Variants in SPG21 observed in about 807,000 individuals in gnomAD.
SPG21 encodes SPG21 abhydrolase domain containing, maspardin.
A neutral mutation model predicts 38.9 loss-of-function variants in SPG21; 26 were observed. The ratio of observed to expected loss-of-function variants is 0.67; its 90% confidence interval spans 0.49 to 0.93. The LOEUF is 0.93. SPG21 is among the 40% of genes least tolerant of loss of function. The pLI, the probability that SPG21 is intolerant of heterozygous loss-of-function variation, is 0.00. For synonymous variants in SPG21, 136 were observed against 128.9 expected (o/e 1.05, Z -0.37); for missense variants, 333 against 376.5 (o/e 0.88, Z 0.96).
At chr15:64,979,272 C>T (rs1440454663) in intron 3 of SPG21, among the ~76,000 whole-genome samples, 2 of 152,160 alleles carry the variant, frequency 1.3e-5, no homozygotes, top group Non-Finnish European at 2.9e-5. Flanking sequence ...ACAGCACTCC[C>T]GAGTGGGACG....
chr15:64,973,462 T>G (rs2085711897), intron 5 of SPG21, among the ~76,000 whole-genome samples: 1 of 152,118 alleles, frequency 6.6e-6, no homozygotes, highest in African/African-American at 2.4e-5. Context: ...TGGTTTGTTT[T>G]TTTTTTGAGA....
At position 64,965,596 on chromosome 15, in the gene SPG21, G is replaced by T. The variant is rs1255008006; in HGVS notation, c.670-136C>A. ...GTTACCCTAAGTATTCCTTTCATAT[G>T]AAGACAATCCTGAACCCCCAGCAGC... On this transcript the variant is annotated intron_variant, in intron 7 of 8. Transcript: ENST00000204566. The T allele has an allele frequency of 3.0e-6, 4 of 1,354,268 alleles. No homozygotes were observed. In the African/African-American group the frequency reaches 5.8e-5, roughly 20 times the overall value. 83.9% of individuals were successfully genotyped at this position (1,354,268 alleles called of 1,614,324 possible).
At chr15:64,986,253 C>G (rs1447587460) in intron 1 of SPG21, among the ~76,000 whole-genome samples, 1 of 152,112 alleles carries the variant, frequency 6.6e-6, no homozygotes, top group Non-Finnish European at 1.5e-5. Context: ...GTAGTCCCAG[C>G]TACTCAGGAG....
rs145437088 is a variant in SPG21, at chr15:64,974,381, A to AG, written c.452+220dup. 0.047 allele frequency among the ~76,000 whole-genome samples: 7,188 copies of AG among 152,204 alleles called. 591 individuals carry two copies. The highest frequency in any genetic ancestry group is 0.16 in the African/African-American group (6,837 of 41,516). On this transcript the variant is annotated intron_variant, in intron 5 of 8. Transcript: ENST00000204566. The stretch of plus-strand genomic sequence containing the variant: ...TTCCAGCTACTTGGGAGGCTGAGGT[A>AG]GGAGGATCGCTTGAGCCTGGGAAAT...
At chr15:64,985,177 A>T (rs1476822832) in intron 1 of SPG21, among the ~76,000 whole-genome samples, 1 of 152,198 alleles carries the variant, frequency 6.6e-6, no homozygotes, top group African/African-American at 2.4e-5. Flanking sequence ...AACAAAATGA[A>T]ACATTTGCCC....
At chr15:64,968,347 A>AG in intron 7 of SPG21, among the ~76,000 whole-genome samples, 1 of 151,610 alleles carries the variant, frequency 6.6e-6, no homozygotes, top group Middle Eastern at 3.4e-3. Flanking sequence ...TTCCAAAAAA[A>AG]AAAAAAAAAA....
At chr15:64,983,924 C>T (rs1020417042) in intron 1 of SPG21, among the ~76,000 whole-genome samples, 1 of 152,012 alleles carries the variant, frequency 6.6e-6, no homozygotes, top group Non-Finnish European at 1.5e-5. Context: ...TCTGGGATTA[C>T]AGGTGCCCGC....
chr15:64,989,221 C>G (rs1305534273), intron 1 of SPG21: 1 of 151,912 alleles, frequency 6.6e-6, no homozygotes, highest in African/African-American at 2.4e-5. Flanking sequence ...ACTTTCAGGC[C>G]GAGGTCCTGT....
chr15:64,971,092 A>C (rs56248131), intron 5 of SPG21, among the ~76,000 whole-genome samples: 79,276 of 151,866 alleles, frequency 0.52, 21,697 homozygotes, highest in East Asian at 0.85. Flanking sequence ...ACAGGGTCTC[A>C]CTCTGTTGCC....
At position 64,970,142 on chromosome 15, in the gene SPG21, G is replaced by A. The variant is rs781676750; in HGVS notation, c.533C>T (p.Ala178Val). The A allele has an allele frequency of 6.2e-7, 1 of 1,613,990 alleles. No homozygotes were observed. Among genetic ancestry groups the A allele is most frequent in the Non-Finnish European group, 8.5e-7 (1 of 1,179,932 alleles). Residue 178 changes from alanine to valine, a missense_variant, in exon 6 of 9, where the codon GCT becomes GTT. Transcript: ENST00000204566. ...FSSGPVDPMM[A>V]DAIDFMVDRL... ...GTCTACCATGAAATCAATGGCATCA[G>A]CCATCATAGGGTCCACCGGGCCAGA...
chr15:64,981,288 C>A, intron 2 of SPG21: 1 of 360,020 alleles, frequency 2.8e-6, no homozygotes, highest in Non-Finnish European at 5.1e-6. Flanking sequence ...TCCCCCTCCT[C>A]CTTTTTTTTT....
At chr15:64,977,729 C>T (rs971741613) in intron 3 of SPG21, among the ~76,000 whole-genome samples, 4 of 151,968 alleles carry the variant, frequency 2.6e-5, no homozygotes, top group African/African-American at 4.8e-5. Context: ...CTTGACTATA[C>T]GTAGCCTATC....
rs1438047160 is a variant in SPG21 at position 64,989,855 on chromosome 15, G to A, written c.-215C>T. ...CTGAGGGGGCGGGGCGCGTGGCCGA[G>A]CGAGCTTGGGCCGCCGCGCTCCCCC... On this transcript the variant is annotated 5_prime_UTR_variant, in exon 1 of 9. Transcript: ENST00000204566. The A allele has an allele frequency of 7.0e-6, 1 of 141,900 alleles. No individual in the cohort carries two copies. Among genetic ancestry groups the A allele is most frequent in the Non-Finnish European group, 1.5e-5 (1 of 67,930 alleles). 8.8% of individuals were successfully genotyped at this position (141,900 alleles called of 1,614,324 possible).
intron 1 of SPG21, among the ~76,000 whole-genome samples, chr15:64,986,710 CAA>C (rs751407182): frequency 1.7e-4 from 20 of 119,314 alleles, no homozygotes; most frequent in African/African-American, 5.7e-4. Context: ...CAAAACAAAA[CAA>C]AAAACAAAAA....
At chr15:64,976,175 A>G (rs1274457819) in intron 4 of SPG21, among the ~76,000 whole-genome samples, 1 of 152,248 alleles carries the variant, frequency 6.6e-6, no homozygotes, top group Non-Finnish European at 1.5e-5. Flanking sequence ...CTGTAATCCC[A>G]GCACTTAGGG....
intron 1 of SPG21, among the ~76,000 whole-genome samples, chr15:64,985,999 T>C (rs987633847): frequency 6.6e-6 from 1 of 152,244 alleles, no homozygotes; most frequent in African/African-American, 2.4e-5. Context: ...GCCAGTCTTA[T>C]ACTGAAAATT....
In SPG21 at chr15:64,983,537, G is replaced by T; in HGVS notation, c.33C>A (p.Asn11Lys). MGEIKVSPDY[N>K]WFRGTVPLKK... ...TAAGGGGAACTGTACCTCTAAACCA[G>T]TTATAATCAGGAGAGACTTTAATCT... Residue 11 changes from asparagine (N) to lysine (K), a missense_variant, in exon 2 of 9, where the codon AAC (asparagine) becomes AAA (lysine). Coordinates refer to ENST00000204566, the MANE Select transcript of SPG21 (RefSeq NM_016630.7). 1 of 1,579,436 alleles carries T rather than the reference G, an allele frequency of 6.3e-7. No homozygotes were observed. Among genetic ancestry groups the T allele is most frequent in the Non-Finnish European group, 8.6e-7 (1 of 1,158,680 alleles).
chr15:64,963,576 C>T lies in SPG21; in HGVS notation c.*44G>A. 2 of 1,545,662 alleles carry T rather than the reference C, an allele frequency of 1.3e-6. No homozygotes were observed. The highest frequency in any genetic ancestry group is 1.8e-6 in the Non-Finnish European group (2 of 1,119,406). On this transcript the variant is annotated 3_prime_UTR_variant, in exon 9 of 9. Coordinates refer to ENST00000204566, the MANE Select transcript of SPG21 (RefSeq NM_016630.7). ...ACGGGTGCTGATGCCACTGACTATA[C>T]AAGAACACACCGGGTCAACTCATCA...
rs1414927508 is a variant in SPG21 at position 64,974,729 on chromosome 15, A to C, written c.325T>G (p.Ser109Ala). The C allele has an allele frequency of 1.2e-6, 2 of 1,614,162 alleles. No homozygotes were observed. Among genetic ancestry groups the C allele is most frequent in the East Asian group, 4.5e-5 (2 of 44,870 alleles). Residue 109 changes from serine (S) to alanine (A), a missense_variant, in exon 5 of 9, where the codon TCT becomes GCT. Ser to Ala is a moderately conservative substitution (Grantham distance 99). Coordinates refer to ENST00000204566, the MANE Select transcript of SPG21 (RefSeq NM_016630.7). ...TTCTGGGCCAAAAAGCCTCCCAAAG[A>C]AGCGCCAAAAAGATGAACCTAATTA... The part of the protein sequence containing the change: ...QLDKVHLFGA[S>A]LGGFLAQKFA...
Sources: allele counts gnomAD v4.1 joint callset (sites outside exome capture counted in the v4.1 genomes callset), GRCh38; gene constraint gnomAD v4.1.1; transcripts MANE v1.5; gene names NCBI Gene and HGNC (gene_info 2026-07-23, HGNC 2026-07-21).